Variants in APAF1 observed in about 807,000 individuals in gnomAD.
APAF1 encodes apoptotic protease-activating factor 1.
In APAF1, 91 loss-of-function variants were observed where a neutral mutation model predicts 152.4. The observed-to-expected ratio is 0.60, with a 90% CI of 0.50 to 0.71. APAF1 has a LOEUF of 0.71. Ranked by LOEUF, APAF1 falls within the 30% of genes least tolerant of loss-of-function variation. The pLI, the probability that APAF1 is intolerant of heterozygous loss-of-function variation, is 0.00. For synonymous variants in APAF1, 484 were observed against 494.1 expected (o/e 0.98, Z 0.27); for missense variants, 1,283 against 1,472.0 (o/e 0.87, Z 2.10).
In APAF1 at chr12:98,683,265, C is replaced by T; in HGVS notation, c.2169C>T (p.Cys723=). ...HLLLATGSSD[C]FLKLWDLNQK... is the part of the protein sequence containing the mutation. ...TCTTAGCCACTGGGTCAAGTGACTG[C>T]TTCCTCAAAGTAAGTGTGGATATTG... Residue 723 remains cysteine, a synonymous_variant, in exon 15 of 27, where the codon TGC becomes TGT. Transcript: ENST00000551964. The T allele has an allele frequency of 6.2e-7, 1 of 1,613,880 alleles. No homozygotes were observed. The highest frequency in any genetic ancestry group is 8.5e-7 in the Non-Finnish European group (1 of 1,179,944).
Position 98,728,188 on chromosome 12 carries a change from G to A in APAF1, c.3600+872G>A, listed in dbSNP as rs79491399. Among the ~76,000 whole-genome samples the A allele has an allele frequency of 3.1e-3, 475 of 152,132 alleles. 4 individuals are homozygous for A. Among genetic ancestry groups the A allele is most frequent in the African/African-American group, 0.011 (455 of 41,508 alleles). On this transcript the variant is annotated intron_variant, in intron 26 of 26. Coordinates refer to ENST00000551964, the MANE Select transcript of APAF1 (RefSeq NM_181861.2). ...CATTAGAATGACTAGCAAGTTGGGT[G>A]TTTAACTTAGTTCTGTTTTCCATGT...
At chr12:98,698,474 A>G (rs1330774751) in intron 16 of APAF1, among the ~76,000 whole-genome samples, 2 of 151,796 alleles carry the variant, frequency 1.3e-5, no homozygotes, top group Admixed American at 1.3e-4. Flanking sequence ...CTGTTTTAGC[A>G]CCTGCTGTCT....
chr12:98,671,457 G>A (rs2097680015), intron 11 of APAF1, 78 bp from the exon 12 acceptor site: 1 of 1,381,138 alleles, frequency 7.2e-7, no homozygotes, highest in Non-Finnish European at 1.0e-6. Flanking sequence ...AGCTTTTAAA[G>A]TGGCAAGATC....
intron 3 of APAF1, chr12:98,649,286 T>C (rs1293860949): frequency 1.1e-6 from 1 of 900,944 alleles, no homozygotes; most frequent in African/African-American, 1.8e-5. Flanking sequence ...TCTTTAGTCA[T>C]CTTGAAGGAT....
At position 98,712,252 on chromosome 12, in the gene APAF1, C is replaced by T; in HGVS notation, c.2842-67C>T. 3 of 850,370 alleles carry T rather than the reference C, an allele frequency of 3.5e-6. No individual in the cohort carries two copies. In the South Asian group the frequency reaches 3.9e-5, roughly 11 times the overall value. 52.7% of individuals were successfully genotyped at this position (850,370 alleles called of 1,614,324 possible). ...TTTATTTTATTTTTTTCAATTGAAG[C>T]CTCTGTTCTGACGAACAAAAACTGC... On this transcript the variant is annotated intron_variant, in intron 20 of 26. Transcript: ENST00000551964.
intron 4 of APAF1, among the ~76,000 whole-genome samples, chr12:98,656,276 A>G (rs998113944): frequency 5.9e-5 from 9 of 152,200 alleles, no homozygotes; most frequent in African/African-American, 1.9e-4. Context: ...AAATTTTTCC[A>G]AACTTTATTC....
chr12:98,650,715 G>GT (rs1245055371), intron 4 of APAF1, among the ~76,000 whole-genome samples: 1 of 151,986 alleles, frequency 6.6e-6, no homozygotes, highest in African/African-American at 2.4e-5. Context: ...CTAACCCTTG[G>GT]TTTTTCCCCT....
intron 25 of APAF1, 124 bp from the exon 26 acceptor site, chr12:98,727,049 G>T (rs1364663526): frequency 2.4e-6 from 2 of 842,756 alleles, no homozygotes; most frequent in Non-Finnish European, 3.8e-6. Flanking sequence ...TCTGTGTTAG[G>T]GTTGTTTATA....
At chr12:98,648,839 T>C in intron 3 of APAF1, 24 bp downstream of exon 3, 1 of 1,604,800 alleles carries the variant, frequency 6.2e-7, no homozygotes, top group Admixed American at 1.7e-5. Context: ...ATACCTTCTA[T>C]CACTTTGCTA....
chr12:98,680,534 T>G, intron 14 of APAF1, 132 bp downstream of exon 14: 1 of 917,052 alleles, frequency 1.1e-6, no homozygotes, highest in Non-Finnish European at 1.6e-6. Flanking sequence ...CATTGTAAAT[T>G]AACACTATCT....
At chr12:98,704,246 G>A (rs2097718922) in intron 18 of APAF1, among the ~76,000 whole-genome samples, 1 of 152,124 alleles carries the variant, frequency 6.6e-6, no homozygotes, top group African/African-American at 2.4e-5. Flanking sequence ...GGGATTACAG[G>A]TGTATCACCT....
At chr12:98,709,101 C>T (rs1230307685) in intron 20 of APAF1, among the ~76,000 whole-genome samples, 1 of 152,110 alleles carries the variant, frequency 6.6e-6, no homozygotes, top group Non-Finnish European at 1.5e-5. Context: ...ACAGAAGTCA[C>T]TTTAGGTGAG....
At chr12:98,698,014 C>T (rs1593081730) in intron 16 of APAF1, among the ~76,000 whole-genome samples, 2 of 152,172 alleles carry the variant, frequency 1.3e-5, no homozygotes, top group Admixed American at 6.5e-5. Flanking sequence ...GCGACTTGCT[C>T]AGAATGAAAT....
chr12:98,689,165 G>A (rs554992830), intron 16 of APAF1, among the ~76,000 whole-genome samples: 14 of 152,214 alleles, frequency 9.2e-5, no homozygotes, highest in South Asian at 2.1e-4. Flanking sequence ...TGTAGGAAAC[G>A]CAGACTCATT....
intron 18 of APAF1, 120 bp from the exon 19 acceptor site, chr12:98,706,365 T>C: frequency 1.0e-6 from 1 of 967,558 alleles, no homozygotes; most frequent in South Asian, 1.3e-5. Flanking sequence ...TTTGATAGTG[T>C]GTTTCTGAGC....
intron 15 of APAF1, 42 bp downstream of exon 15, chr12:98,683,316 G>A (rs775344183): frequency 1.6e-5 from 25 of 1,587,982 alleles, no homozygotes; most frequent in Admixed American, 6.7e-5. Context: ...AATTTGATTC[G>A]TACATCAGAG....
At chr12:98,709,902 G>A (rs1435769980) in intron 20 of APAF1, among the ~76,000 whole-genome samples, 2 of 152,208 alleles carry the variant, frequency 1.3e-5, no homozygotes, top group Admixed American at 6.5e-5. Context: ...TTTTGAGACA[G>A]TTTCTCTCTG....
intron 4 of APAF1, among the ~76,000 whole-genome samples, chr12:98,653,318 A>G (rs1320034568): frequency 6.6e-6 from 1 of 152,006 alleles, no homozygotes; most frequent in East Asian, 1.9e-4. Flanking sequence ...TCCTATGGAA[A>G]TGTTTTCTTT....
intron 21 of APAF1, among the ~76,000 whole-genome samples, chr12:98,713,783 A>G (rs1334978780): frequency 6.6e-6 from 1 of 152,112 alleles, no homozygotes; most frequent in Non-Finnish European, 1.5e-5. Context: ...CTTTGGATTC[A>G]TTTTCATAAG....
Sources: gnomAD v4.1 joint callset for allele counts (sites outside exome capture counted in the v4.1 genomes callset) on GRCh38, gnomAD v4.1.1 for gene constraint, MANE v1.5 for transcripts, NCBI Gene and HGNC (gene_info 2026-07-23, HGNC 2026-07-21) for gene names.